Variants in THAP5 observed in about 807,000 individuals in gnomAD.
THAP5 encodes THAP domain-containing protein 5.
In THAP5, 26 loss-of-function variants were observed where a neutral mutation model predicts 34.0. The ratio of observed to expected loss-of-function variants is 0.77; its 90% confidence interval spans 0.56 to 1.06. The LOEUF is 1.06. Ranked by LOEUF, THAP5 falls within the 50% of genes least tolerant of loss-of-function variation. The probability of loss-of-function intolerance (pLI) is 0.00; values close to 1 mark genes in which losing one functional copy is unlikely to be tolerated. For synonymous variants in THAP5, 125 were observed against 153.0 expected (o/e 0.82, Z 1.35); for missense variants, 394 against 452.8 (o/e 0.87, Z 1.18).
chr7:108,542,905 C>CT, the THAP5 span, among the ~76,000 whole-genome samples: 15 of 149,370 alleles, frequency 1.0e-4, no homozygotes, highest in African/African-American at 3.4e-4. Context: ...AGGCTCAAAA[C>CT]TTTTTTTTTT....
At chr7:108,565,722 G>C (rs62467889) in intron 2 of THAP5, 108 bp downstream of exon 2, 1 of 829,900 alleles carries the variant, frequency 1.2e-6, no homozygotes, top group Non-Finnish European at 1.7e-6. Context: ...TTTTTTCCAA[G>C]TATCTGTTTA....
At chr7:108,541,967 T>C in the THAP5 span, among the ~76,000 whole-genome samples, 1 of 152,198 alleles carries the variant, frequency 6.6e-6, no homozygotes, top group Non-Finnish European at 1.5e-5. Flanking sequence ...TTCTTTTCTC[T>C]TCAAGATGAC....
chr7:108,546,022 T>C, the THAP5 span, among the ~76,000 whole-genome samples: 6 of 152,196 alleles, frequency 3.9e-5, no homozygotes, highest in East Asian at 1.9e-4. Flanking sequence ...GGTTTTGAGA[T>C]TGAGTAATGT....
In THAP5 at chr7:108,564,852, G is replaced by C. The variant is rs769318766; in HGVS notation, c.527C>G (p.Pro176Arg). The C allele has an allele frequency of 3.5e-5, 56 of 1,611,686 alleles. No individual in the cohort carries two copies. In the Middle Eastern group the frequency reaches 8.2e-4, roughly 24 times the overall value. Reference protein sequence around the residue: ...LNLVKQHTGKPESTLETSVNQ... With the variant: ...LNLVKQHTGKRESTLETSVNQ... ...AACTGATGTTTCCAAGGTAGATTCTGGTTTCCCAGTATGTTGTTTAACTAG... is the reference window on the plus strand; with the variant it reads ...AACTGATGTTTCCAAGGTAGATTCTCGTTTCCCAGTATGTTGTTTAACTAG... Residue 176 changes from proline (P) to arginine (R), a missense_variant, in exon 3 of 3, where the codon CCA becomes CGA. Transcript: ENST00000415914.
At chr7:108,558,260 T>C (rs1256035394), downstream of THAP5, among the ~76,000 whole-genome samples, 1 of 151,678 alleles carries the variant, frequency 6.6e-6, no homozygotes, top group Non-Finnish European at 1.5e-5. Context: ...GCAAAACCCA[T>C]GTCATTTTCA....
the THAP5 span, among the ~76,000 whole-genome samples, chr7:108,547,531 C>T: frequency 6.6e-6 from 1 of 152,126 alleles, no homozygotes; most frequent in Admixed American, 6.6e-5. Context: ...TATTTTCCAG[C>T]GATCCAAAAG....
chr7:108,555,448 G>A (rs886264761), intron 1 of THAP5, among the ~76,000 whole-genome samples: 3 of 151,796 alleles, frequency 2.0e-5, no homozygotes, highest in South Asian at 4.2e-4. Flanking sequence ...GATTGCAGGC[G>A]TGAGCCATTG....
chr7:108,562,609 TTAAGG>T lies in THAP5; in HGVS notation c.*1577_*1581del, dbSNP rs1315381315. ...CTTACAAAATTCTCAAAGCCACTCTTTAAGGTAAGTAATAGTACGTTCTACTTAAC... is the reference window on the plus strand; with the variant it reads ...CTTACAAAATTCTCAAAGCCACTCTTTAAGTAATAGTACGTTCTACTTAAC... On this transcript the variant is annotated 3_prime_UTR_variant, in exon 3 of 3. Coordinates refer to ENST00000415914, the MANE Select transcript of THAP5 (RefSeq NM_001130475.3). 4 of 152,322 alleles carry T rather than the reference TTAAGG, an allele frequency of 2.6e-5. No homozygotes were observed. Among genetic ancestry groups the T allele is most frequent in the East Asian group, 1.9e-4 (1 of 5,188 alleles). 9.4% of individuals were successfully genotyped at this position (152,322 alleles called of 1,614,324 possible).
At chr7:108,545,664 C>A in the THAP5 span, among the ~76,000 whole-genome samples, 1 of 152,078 alleles carries the variant, frequency 6.6e-6, no homozygotes, top group Admixed American at 6.6e-5. Flanking sequence ...ATAATTCCAA[C>A]ATAAGGAAGA....
chr7:108,549,457 T>C, the THAP5 span, among the ~76,000 whole-genome samples: 1 of 152,178 alleles, frequency 6.6e-6, no homozygotes, highest in Non-Finnish European at 1.5e-5. Context: ...ACTGTCTTTT[T>C]GACACTCCAC....
chr7:108,566,457 C>T (rs956823610), intron 1 of THAP5, among the ~76,000 whole-genome samples: 1 of 152,072 alleles, frequency 6.6e-6, no homozygotes, highest in Admixed American at 6.5e-5. Context: ...GGCTTGTTGT[C>T]TATAATTCAA....
the THAP5 span, among the ~76,000 whole-genome samples, chr7:108,543,887 G>A: frequency 6.6e-6 from 1 of 152,114 alleles, no homozygotes; most frequent in Admixed American, 6.5e-5. Flanking sequence ...GCCAGTTTGA[G>A]CTAGGAAGTT....
chr7:108,553,695 G>A (rs1266746556), downstream of THAP5, among the ~76,000 whole-genome samples: 1 of 152,154 alleles, frequency 6.6e-6, no homozygotes, highest in Non-Finnish European at 1.5e-5. Flanking sequence ...ACAGAGGTAA[G>A]CTCCTGCTCG....
chr7:108,559,471 T>C (rs192891409), downstream of THAP5, among the ~76,000 whole-genome samples: 72 of 152,296 alleles, frequency 4.7e-4, no homozygotes, highest in African/African-American at 1.6e-3. Flanking sequence ...ATGCCACAAA[T>C]ACCATTAAGA....
downstream of THAP5, among the ~76,000 whole-genome samples, chr7:108,557,570 A>G (rs1053413061): frequency 6.6e-6 from 1 of 152,168 alleles, no homozygotes. Flanking sequence ...AGCAAGAGTG[A>G]CCTTTATTCC....
At chr7:108,553,884 A>G (rs954848078), downstream of THAP5, among the ~76,000 whole-genome samples, 4 of 152,188 alleles carry the variant, frequency 2.6e-5, no homozygotes, top group African/African-American at 9.7e-5. Context: ...AGAAATACTC[A>G]TGTGATTGAT....
chr7:108,561,222 G>C (rs573624216), downstream of THAP5, among the ~76,000 whole-genome samples: 1 of 151,870 alleles, frequency 6.6e-6, no homozygotes, highest in Admixed American at 6.6e-5. Flanking sequence ...ATGTGCCATG[G>C]TAGTGATGAG....
At chr7:108,566,324 A>G (rs1172971535) in intron 1 of THAP5, among the ~76,000 whole-genome samples, 2 of 152,132 alleles carry the variant, frequency 1.3e-5, no homozygotes, top group African/African-American at 4.8e-5. Context: ...ATCTATTTGT[A>G]TTTTCTATGG....
Position 108,569,650 on chromosome 7 carries a change from A to G in THAP5, c.-81T>C. The G allele has an allele frequency of 6.6e-7, 1 of 1,510,914 alleles. No homozygotes were observed. The highest frequency in any genetic ancestry group is 8.9e-7 in the Non-Finnish European group (1 of 1,120,802). 93.6% of individuals were successfully genotyped at this position (1,510,914 alleles called of 1,614,324 possible). ...CTCACTGAGGATGCGCCACAGGTCC[A>G]GGCCTCTCGAGCCCCTGCGCCTGCG... On this transcript the variant is annotated 5_prime_UTR_variant, in exon 1 of 3. Transcript: ENST00000415914.
Sources: gnomAD v4.1 joint callset for allele counts (sites outside exome capture counted in the v4.1 genomes callset) on GRCh38, gnomAD v4.1.1 for gene constraint, MANE v1.5 for transcripts, NCBI Gene and HGNC (gene_info 2026-07-23, HGNC 2026-07-21) for gene names.